Variants in FARSB observed in about 807,000 individuals in gnomAD.
FARSB encodes phenylalanine--tRNA ligase beta subunit.
Under a neutral mutation model 69.6 loss-of-function variants are expected in FARSB, and 40 were observed. The ratio of observed to expected loss-of-function variants is 0.57; its 90% confidence interval spans 0.45 to 0.75. The LOEUF is 0.75. Among genes scored for constraint, FARSB ranks in the 30% least tolerant of loss-of-function variants. The pLI is 0.00. For synonymous variants in FARSB, 235 were observed against 247.2 expected, an observed-to-expected ratio of 0.95 and a Z score of 0.46; for missense variants, 632 against 722.9, an observed-to-expected ratio of 0.87 and a Z score of 1.44.
chr2:222,604,792 C>T (rs1031682420), intron 15 of FARSB, among the ~76,000 whole-genome samples: 1 of 140,020 alleles, frequency 7.1e-6, no homozygotes, highest in African/African-American at 2.6e-5. Context: ...AGGCTGGTCT[C>T]GAACTCCTGG....
intron 10 of FARSB, 35 bp from the exon 11 acceptor site, chr2:222,624,810 C>T (rs1574939951): frequency 2.3e-6 from 3 of 1,313,020 alleles, no homozygotes; most frequent in Non-Finnish European, 3.3e-6. Context: ...TAAATCATTT[C>T]CCATCAGATA....
rs987085826 is a variant in FARSB, at chr2:222,568,349, C to T, written c.*3522G>A. 8 of 151,980 alleles carry T rather than the reference C, an allele frequency of 5.3e-5. No homozygotes were observed. The highest frequency in any genetic ancestry group is 1.9e-4 in the African/African-American group (8 of 41,370). The allele number at this position is 151,980 out of a possible 1,614,324, so 9.4% of individuals were successfully genotyped here. On this transcript the variant is annotated 3_prime_UTR_variant, in exon 17 of 17. Transcript: ENST00000281828. The surrounding 1 kb of genome is among the most constrained non-coding windows in gnomAD (Gnocchi z 4.3). ...CTTTCGCATAAATAAGTAAATAATG[C>T]AAATCAGTGAGTGGTCTGTGGACTC...
At chr2:222,645,191 C>T (rs1488420781) in intron 2 of FARSB, among the ~76,000 whole-genome samples, 2 of 152,060 alleles carry the variant, frequency 1.3e-5, no homozygotes, top group African/African-American at 2.4e-5. Flanking sequence ...GAAAAGGAGG[C>T]CCAGAGAGAC....
chr2:222,594,298 T>C (rs1004316944), intron 16 of FARSB, among the ~76,000 whole-genome samples: 4 of 152,084 alleles, frequency 2.6e-5, no homozygotes, highest in African/African-American at 9.7e-5. Flanking sequence ...ATTTTTATAA[T>C]TTTTTATTAC....
intron 15 of FARSB, among the ~76,000 whole-genome samples, chr2:222,612,866 C>T (rs1161688741): frequency 6.6e-6 from 1 of 152,232 alleles, no homozygotes; most frequent in South Asian, 2.1e-4. Flanking sequence ...CCAACCACCA[C>T]ATTCCAAGTG....
At chr2:222,635,636 A>T (rs1487341080) in intron 5 of FARSB, among the ~76,000 whole-genome samples, 2 of 152,232 alleles carry the variant, frequency 1.3e-5, no homozygotes, top group Admixed American at 1.3e-4. Flanking sequence ...CCTTAATCCT[A>T]AAACAGTACC....
Position 222,569,995 on chromosome 2 carries a change from T to C in FARSB, c.*1876A>G, listed in dbSNP as rs1017761581. Among the ~76,000 whole-genome samples the C allele has an allele frequency of 2.0e-5, 3 of 152,178 alleles. No individual in the cohort carries two copies. The highest frequency in any genetic ancestry group is 4.4e-5 in the Non-Finnish European group (3 of 68,026). On this transcript the variant is annotated 3_prime_UTR_variant, in exon 17 of 17. Transcript: ENST00000281828. The stretch of plus-strand genomic sequence containing the variant: ...TAAAGTCACAATGTAACATTTTACA[T>C]TGTGACTCACCAGCAGTGCATGAAA...
At chr2:222,584,797 G>C (rs1015898573) in intron 16 of FARSB, among the ~76,000 whole-genome samples, 3 of 152,234 alleles carry the variant, frequency 2.0e-5, no homozygotes, top group Non-Finnish European at 2.9e-5. Flanking sequence ...TGGGGGAGGG[G>C]CATCCGCCAC....
intron 16 of FARSB, among the ~76,000 whole-genome samples, chr2:222,584,139 G>A (rs1690043689): frequency 6.6e-6 from 1 of 151,970 alleles, no homozygotes; most frequent in Admixed American, 6.6e-5. Context: ...AGAGAATGAT[G>A]TCCTTGTTTA....
chr2:222,606,759 A>G (rs1485270997), intron 15 of FARSB, among the ~76,000 whole-genome samples: 2 of 152,234 alleles, frequency 1.3e-5, no homozygotes, highest in African/African-American at 4.8e-5. Context: ...CTCTTCCACC[A>G]AAGTACCAAT....
At chr2:222,574,012 A>G (rs1044112706) in intron 16 of FARSB, among the ~76,000 whole-genome samples, 1 of 152,186 alleles carries the variant, frequency 6.6e-6, no homozygotes, top group African/African-American at 2.4e-5. Context: ...TTCAATTCCA[A>G]TTTGATTGGT....
intron 3 of FARSB, among the ~76,000 whole-genome samples, chr2:222,642,634 T>C (rs1691751546): frequency 6.6e-6 from 1 of 152,230 alleles, no homozygotes; most frequent in Non-Finnish European, 1.5e-5. Context: ...TAAAATATGT[T>C]CTCAAAGATG....
chr2:222,594,667 T>A (rs1017051917), intron 16 of FARSB, among the ~76,000 whole-genome samples: 7 of 151,990 alleles, frequency 4.6e-5, no homozygotes, highest in African/African-American at 1.7e-4. Context: ...TTTAAAAAGG[T>A]TAAGAAACAC....
Position 222,599,914 on chromosome 2 carries a change from C to T in FARSB, c.1618+14G>A. On this transcript the variant is annotated intron_variant, in intron 16 of 16. Transcript: ENST00000281828. Reference sequence around the variant, plus strand: ...ACACTGTCACTAACTCTGGATTCGGCTCATCTGTCTTACCTTCTGATGCTT... The same window carrying T: ...ACACTGTCACTAACTCTGGATTCGGTTCATCTGTCTTACCTTCTGATGCTT... 6.4e-7 allele frequency: 1 copy of T among 1,571,708 alleles called. No homozygotes were observed. The highest frequency in any genetic ancestry group is 8.6e-7 in the Non-Finnish European group (1 of 1,166,374).
chr2:222,573,639 G>T (rs1420129862), intron 16 of FARSB, among the ~76,000 whole-genome samples: 1 of 152,110 alleles, frequency 6.6e-6, no homozygotes, highest in Non-Finnish European at 1.5e-5. Flanking sequence ...CAAATGACAT[G>T]TAAGTGAAGA....
At chr2:222,625,710 G>T (rs1691251532) in intron 10 of FARSB, among the ~76,000 whole-genome samples, 1 of 152,130 alleles carries the variant, frequency 6.6e-6, no homozygotes, top group South Asian at 2.1e-4. Flanking sequence ...GACCTAAACA[G>T]TTATTATGAG....
At chr2:222,642,743 G>A (rs927644742) in intron 3 of FARSB, 108 bp downstream of exon 3, 24 of 749,102 alleles carry the variant, frequency 3.2e-5, no homozygotes, top group African/African-American at 3.1e-4. Flanking sequence ...CTAAAGCTAC[G>A]TTCCTCTACA....
chr2:222,649,071 A>T (rs1283909613), intron 1 of FARSB, among the ~76,000 whole-genome samples: 1 of 151,946 alleles, frequency 6.6e-6, no homozygotes, highest in Admixed American at 6.6e-5. Context: ...TACTAAAAAT[A>T]CAAAATTAGC....
At chr2:222,637,723 T>C (rs1408821652) in intron 5 of FARSB, among the ~76,000 whole-genome samples, 2 of 152,184 alleles carry the variant, frequency 1.3e-5, no homozygotes, top group Admixed American at 6.5e-5. Flanking sequence ...GAGTGGTTCA[T>C]AACTGTAACC....
Sources: allele counts gnomAD v4.1 joint callset (sites outside exome capture counted in the v4.1 genomes callset), GRCh38; gene constraint gnomAD v4.1.1; non-coding constraint Gnocchi (gnomAD v3.1); transcripts MANE v1.5; gene names NCBI Gene and HGNC (gene_info 2026-07-23, HGNC 2026-07-21).